CYP4X1: variants seen among roughly 807,000 people sequenced by gnomAD.
The protein encoded by CYP4X1 is cytochrome P450 4X1.
In CYP4X1, 44 loss-of-function variants were observed where a neutral mutation model predicts 57.9. That is an observed-to-expected ratio of 0.76 (90% CI 0.60 to 0.98). CYP4X1 has a LOEUF of 0.98. CYP4X1 is among the 50% of genes least tolerant of loss of function. CYP4X1 has a pLI of 0.00. For synonymous variants in CYP4X1, 227 were observed against 228.6 expected, an observed-to-expected ratio of 0.99 and a Z score of 0.06; for missense variants, 532 against 623.9, an observed-to-expected ratio of 0.85 and a Z score of 1.57.
the CYP4X1 span, among the ~76,000 whole-genome samples, chr1:46,998,459 T>A: frequency 1.3e-5 from 2 of 152,202 alleles, no homozygotes; most frequent in African/African-American, 2.4e-5. Flanking sequence ...TTTTTAAGTT[T>A]CCTATAGATT....
the CYP4X1 span, among the ~76,000 whole-genome samples, chr1:46,982,074 T>C: frequency 1.3e-5 from 2 of 152,182 alleles, no homozygotes; most frequent in Non-Finnish European, 2.9e-5. Context: ...GGCACATGTA[T>C]ACATATGTAA....
the CYP4X1 span, among the ~76,000 whole-genome samples, chr1:47,004,064 A>G: frequency 1.3e-5 from 2 of 152,230 alleles, no homozygotes; most frequent in Admixed American, 1.3e-4. Context: ...CTCCATTTAC[A>G]TAGGGTGTAC....
chr1:46,961,616 A>G, the CYP4X1 span: 4 of 1,287,330 alleles, frequency 3.1e-6, no homozygotes, highest in Middle Eastern at 2.1e-4. Flanking sequence ...CCTGTGTCCT[A>G]TGCCTGGGCA....
chr1:47,047,901 C>T (rs1480693676), intron 9 of CYP4X1, among the ~76,000 whole-genome samples: 1 of 152,058 alleles, frequency 6.6e-6, no homozygotes, highest in Admixed American at 6.6e-5. Flanking sequence ...CCAGCCAGTT[C>T]TGTGCTTTTA....
At chr1:46,969,726 C>T in the CYP4X1 span, among the ~76,000 whole-genome samples, 16 of 152,282 alleles carry the variant, frequency 1.1e-4, no homozygotes, top group East Asian at 9.6e-4. Flanking sequence ...ATTTCACATA[C>T]GAGGAGCATT....
chr1:47,055,136 T>A (rs1644385427), downstream of CYP4X1, among the ~76,000 whole-genome samples: 1 of 152,248 alleles, frequency 6.6e-6, no homozygotes, highest in South Asian at 2.1e-4. Flanking sequence ...TGAAGGTTGT[T>A]GAATTTTGTC....
At chr1:46,970,812 G>C in the CYP4X1 span, among the ~76,000 whole-genome samples, 1 of 152,184 alleles carries the variant, frequency 6.6e-6, no homozygotes, top group Admixed American at 6.5e-5. Context: ...AGAATGCTTT[G>C]ACTATTACTT....
the CYP4X1 span, among the ~76,000 whole-genome samples, chr1:46,962,426 G>A: frequency 6.6e-6 from 1 of 152,156 alleles, no homozygotes; most frequent in Non-Finnish European, 1.5e-5. Flanking sequence ...CCAAGTATGA[G>A]TTTTCTGAAT....
chr1:46,977,995 C>A, the CYP4X1 span, among the ~76,000 whole-genome samples: 4 of 152,192 alleles, frequency 2.6e-5, no homozygotes, highest in South Asian at 2.1e-4. Flanking sequence ...TGGAAAGGAA[C>A]AACCAGTACC....
the CYP4X1 span, among the ~76,000 whole-genome samples, chr1:46,994,797 C>A: frequency 2.0e-5 from 3 of 152,170 alleles, no homozygotes; most frequent in African/African-American, 7.2e-5. Flanking sequence ...ATGTGCCAGG[C>A]AGTATGCCAG....
At chr1:47,034,905 C>A (rs1473738968) in intron 4 of CYP4X1, among the ~76,000 whole-genome samples, 2 of 151,942 alleles carry the variant, frequency 1.3e-5, no homozygotes, top group Admixed American at 1.3e-4. Context: ...AGCTTGGAAG[C>A]CTCCCTCCTG....
At chr1:46,994,293 T>G in the CYP4X1 span, 3 of 152,226 alleles carry the variant, frequency 2.0e-5, no homozygotes, top group African/African-American at 7.2e-5. Context: ...GGTCTATATA[T>G]CTGTTTTGGT....
In CYP4X1 at chr1:47,038,669, T is replaced by C; in HGVS notation, c.785T>C (p.Ile262Thr). The change falls in exon 7 of 12, where the codon ATC becomes ACC. Residue 262 changes from isoleucine to threonine, a missense_variant. Ile to Thr is a moderately conservative substitution (Grantham distance 89, BLOSUM62 -1). Coordinates refer to ENST00000371901, the MANE Select transcript of CYP4X1 (RefSeq NM_178033.2). The stretch of plus-strand genomic sequence containing the variant: ...CTATTTTTCTACCCAGATACAATAA[T>C]CCAGGAAAGAAAGAAATCCCTCCAG... ...RVLNQYTDTI[I>T]QERKKSLQAG... 6.2e-7 allele frequency: 1 copy of C among 1,607,042 alleles called. No individual in the cohort carries two copies. The highest frequency in any genetic ancestry group is 8.5e-7 in the Non-Finnish European group (1 of 1,177,000).
At chr1:47,036,223 G>GA (rs1557605916) in intron 6 of CYP4X1, 52 bp downstream of exon 6, 1 of 1,553,426 alleles carries the variant, frequency 6.4e-7, no homozygotes, top group Non-Finnish European at 8.7e-7. Flanking sequence ...TGATTGTACT[G>GA]TGTCTGTCTA....
chr1:46,992,252 G>T, the CYP4X1 span, among the ~76,000 whole-genome samples: 1 of 152,240 alleles, frequency 6.6e-6, no homozygotes, highest in African/African-American at 2.4e-5. Context: ...GGAGGCAGAG[G>T]TTGAAGAATA....
In CYP4X1 at chr1:47,023,677, T is replaced by G; in HGVS notation, c.-141T>G. The G allele has an allele frequency of 7.0e-7, 1 of 1,426,704 alleles. No individual in the cohort carries two copies. The highest frequency in any genetic ancestry group is 9.1e-7 in the Non-Finnish European group (1 of 1,093,668). The allele number at this position is 1,426,704 out of a possible 1,614,324, so 88.4% of individuals were successfully genotyped here. A position where few individuals can be genotyped will look rare whatever the true frequency, so the allele number is the denominator to read the frequency against. ...CCTGAGCTGCCCCTCCCACTGCCTT[T>G]CCTTCTTCCCGCGAGTCAGAAGCTT... On this transcript the variant is annotated 5_prime_UTR_variant, in exon 1 of 12. Coordinates refer to ENST00000371901, the MANE Select transcript of CYP4X1 (RefSeq NM_178033.2).
chr1:47,034,793 A>G lies in CYP4X1; in HGVS notation c.493-1013A>G, dbSNP rs545170846. Among the ~76,000 whole-genome samples, 7 of 151,342 alleles carry G rather than the reference A, an allele frequency of 4.6e-5. No individual in the cohort carries two copies. The East Asian group carries it at 1.2e-3, about 26-fold the overall frequency. The stretch of plus-strand genomic sequence containing the variant: ...GGAGTTGCATTAGAGTTTTCTCTCT[A>G]TTTCTCGGAGCGCTTCCTCCCCTCC... On this transcript the variant is annotated intron_variant, in intron 4 of 11. Transcript: ENST00000371901.
chr1:46,987,745 T>C, the CYP4X1 span, among the ~76,000 whole-genome samples: 158 of 152,042 alleles, frequency 1.0e-3, 1 homozygote, highest in Non-Finnish European at 1.5e-3. Context: ...CAAAACCACA[T>C]AACTACATGG....
At chr1:46,965,311 G>T in the CYP4X1 span, among the ~76,000 whole-genome samples, 1 of 152,198 alleles carries the variant, frequency 6.6e-6, no homozygotes, top group Non-Finnish European at 1.5e-5. Context: ...TACCTCAGTT[G>T]GAAATGCAGA....
Sources: allele counts gnomAD v4.1 joint callset (sites outside exome capture counted in the v4.1 genomes callset), GRCh38; gene constraint gnomAD v4.1.1; transcripts MANE v1.5; gene names NCBI Gene and HGNC (gene_info 2026-07-23, HGNC 2026-07-21).